The following ALLC variants were observed in gnomAD, a reference collection of about 807,000 sequenced individuals.
ALLC encodes probable inactive allantoicase.
A neutral mutation model predicts 45.0 loss-of-function variants in ALLC; 40 were observed. That is an observed-to-expected ratio of 0.89 (90% confidence interval 0.69 to 1.16). The LOEUF (loss-of-function observed/expected upper bound fraction) is 1.16. Ranked by LOEUF, ALLC falls within the 50% of genes most tolerant of loss-of-function variation. The pLI, the probability that ALLC is intolerant of heterozygous loss-of-function variation, is 0.00. For synonymous variants in ALLC, 176 were observed against 178.1 expected (o/e 0.99, Z 0.09); for missense variants, 488 against 493.1 (o/e 0.99, Z 0.10).
At chr2:3,672,487 C>G (rs372930164) in intron 2 of ALLC, among the ~76,000 whole-genome samples, 48 of 102,068 alleles carry the variant, frequency 4.7e-4, no homozygotes, top group East Asian at 7.7e-4. Context: ...CTAGTTAGAT[C>G]GGAGGTCCTC....
intron 3 of ALLC, 51 bp from the exon 4 acceptor site, chr2:3,678,417 C>A: frequency 6.7e-7 from 1 of 1,487,704 alleles, no homozygotes; most frequent in Non-Finnish European, 9.4e-7. Flanking sequence ...TGCTGGAAGC[C>A]AGGAGATCAC....
rs376178731 is a variant in ALLC at position 3,697,427 on chromosome 2, G to T, written c.821G>T (p.Arg274Leu). The T allele has an allele frequency of 6.2e-7, 1 of 1,613,736 alleles. No individual in the cohort carries two copies. Among genetic ancestry groups the T allele is most frequent in the Admixed American group, 1.7e-5 (1 of 60,018 alleles). ...TTGGCACATCCTGGAGTAATAACTC[G>T]AATTGAAATTGACACAAAATATTTT... ...FRLAHPGVIT[R>L]IEIDTKYFEG... Residue 274 changes from arginine to leucine, a missense_variant, in exon 10 of 12, where the codon CGA becomes CTA. Physicochemically the swap from Arg to Leu is moderately radical, Grantham distance 102. Coordinates refer to ENST00000252505, the MANE Select transcript of ALLC (RefSeq NM_018436.4).
At chr2:3,666,580 G>A (rs114667280) in intron 1 of ALLC, among the ~76,000 whole-genome samples, 1,767 of 152,316 alleles carry the variant, frequency 0.012, 16 homozygotes, top group Non-Finnish European at 0.018. Flanking sequence ...ATCAGGAGAG[G>A]CAGATAATAA....
chr2:3,699,462 C>G (rs1667765977), intron 10 of ALLC, among the ~76,000 whole-genome samples: 1 of 152,160 alleles, frequency 6.6e-6, no homozygotes, highest in South Asian at 2.1e-4. Flanking sequence ...CTGCAATGAA[C>G]ATACATGTGC....
intron 1 of ALLC, among the ~76,000 whole-genome samples, chr2:3,660,882 A>T (rs567586203): frequency 3.3e-4 from 50 of 150,474 alleles, no homozygotes; most frequent in African/African-American, 9.0e-4. Context: ...GGTGATCGGA[A>T]TGAGTCAGGG....
chr2:3,660,801 A>G (rs528157694), intron 1 of ALLC, among the ~76,000 whole-genome samples: 114 of 151,946 alleles, frequency 7.5e-4, no homozygotes, highest in African/African-American at 2.7e-3. Context: ...AAACGGAATG[A>G]GTCAGGGTGG....
At chr2:3,699,669 T>G (rs965700026) in intron 10 of ALLC, among the ~76,000 whole-genome samples, 4 of 152,192 alleles carry the variant, frequency 2.6e-5, no homozygotes, top group Non-Finnish European at 5.9e-5. Context: ...CAACTGTTAT[T>G]TTTTGATTTT....
At chr2:3,679,396 A>G (rs920798024) in intron 4 of ALLC, among the ~76,000 whole-genome samples, 3 of 152,172 alleles carry the variant, frequency 2.0e-5, no homozygotes, top group Admixed American at 6.5e-5. Flanking sequence ...CCTGAGCTTG[A>G]GAGGACAATG....
intron 7 of ALLC, chr2:3,688,581 C>A: frequency 9.6e-6 from 2 of 207,476 alleles, no homozygotes; most frequent in South Asian, 1.3e-4. Flanking sequence ...TCTCATGATT[C>A]ACACCCCACA....
Position 3,671,205 on chromosome 2 carries a change from C to T in ALLC, c.33+15C>T, listed in dbSNP as rs768034036. On this transcript the variant is annotated intron_variant, in intron 2 of 11. Transcript: ENST00000252505. ...TAGGAGGAAAAGTAAGTGGGTCTCTCATGGCCAAACAAGGGTTGAAGGCAT... is the reference window on the plus strand; with the variant it reads ...TAGGAGGAAAAGTAAGTGGGTCTCTTATGGCCAAACAAGGGTTGAAGGCAT... 1 of 1,607,860 alleles carries T rather than the reference C, an allele frequency of 6.2e-7. No individual in the cohort carries two copies. Among genetic ancestry groups the T allele is most frequent in the South Asian group, 1.1e-5 (1 of 89,192 alleles).
upstream of ALLC, among the ~76,000 whole-genome samples, chr2:3,653,715 G>A (rs916639651): frequency 6.6e-6 from 1 of 151,996 alleles, no homozygotes; most frequent in Non-Finnish European, 1.5e-5. The surrounding 1 kb of genome is among the most constrained non-coding windows in gnomAD (Gnocchi z 4.1). Context: ...AGCTCACCTC[G>A]TTTCCCTCAT....
chr2:3,651,310 GGGT>G, the ALLC span, among the ~76,000 whole-genome samples: 16 of 13,886 alleles, frequency 1.2e-3, 2 homozygotes, highest in African/African-American at 2.8e-3. Context: ...GTGGGTGGGT[GGGT>G]GGGGGGGGTG....
the ALLC span, among the ~76,000 whole-genome samples, chr2:3,646,452 A>G: frequency 8.7e-4 from 133 of 152,316 alleles, 2 homozygotes; most frequent in East Asian, 0.013. Flanking sequence ...GAATTTCTTG[A>G]TATCTCCTTG....
the ALLC span, among the ~76,000 whole-genome samples, chr2:3,652,895 T>C: frequency 6.6e-6 from 1 of 152,184 alleles, no homozygotes; most frequent in Non-Finnish European, 1.5e-5. Context: ...ACTTAGTGAT[T>C]TTAAATAATA....
Position 3,679,812 on chromosome 2 carries a change from T to C in ALLC, c.173-57T>C. The C allele has an allele frequency of 1.1e-5, 17 of 1,604,692 alleles. 1 individual carries two copies. In the South Asian group the frequency reaches 1.8e-4, roughly 17 times the overall value. ...TGCATGTGGGGTGCACTGCCTCGCA[T>C]GCAGCATCTGCTGTGTTGGCCCTAA... On this transcript the variant is annotated intron_variant, in intron 4 of 11. Transcript: ENST00000252505.
intron 1 of ALLC, among the ~76,000 whole-genome samples, chr2:3,662,402 A>G (rs747897486): frequency 6.6e-6 from 1 of 152,222 alleles, no homozygotes; most frequent in Non-Finnish European, 1.5e-5. Context: ...TGTAATTAGC[A>G]CATCCTGCTC....
At chr2:3,661,095 C>T (rs13392120) in intron 1 of ALLC, among the ~76,000 whole-genome samples, 26,601 of 151,952 alleles carry the variant, frequency 0.18, 2,599 homozygotes, top group East Asian at 0.35. Flanking sequence ...ATTCACAACC[C>T]GTCCCCCTCC....
intron 1 of ALLC, among the ~76,000 whole-genome samples, chr2:3,664,713 G>A (rs1048492645): frequency 6.6e-6 from 1 of 152,040 alleles, no homozygotes; most frequent in African/African-American, 2.4e-5. Flanking sequence ...GTGAGACCCT[G>A]TCTCTACAAA....
At chr2:3,697,230 C>A (rs146354376) in intron 9 of ALLC, 118 bp from the exon 10 acceptor site, 4 of 705,834 alleles carry the variant, frequency 5.7e-6, no homozygotes, top group Middle Eastern at 2.9e-4. Context: ...ACAGGAAACA[C>A]TCTTCTATAG....
Sources: gnomAD v4.1 joint callset for allele counts (sites outside exome capture counted in the v4.1 genomes callset) on GRCh38, gnomAD v4.1.1 for gene constraint, Gnocchi (gnomAD v3.1) non-coding constraint, MANE v1.5 for transcripts, NCBI Gene and HGNC (gene_info 2026-07-23, HGNC 2026-07-21) for gene names.